The following ASXL3 variants were observed in gnomAD, a reference collection of about 807,000 sequenced individuals.
ASXL3 encodes the protein ASXL transcriptional regulator 3, also known as putative Polycomb group protein ASXL3.
A neutral mutation model predicts 170.6 loss-of-function variants in ASXL3; 34 were observed. The ratio of observed to expected loss-of-function variants is 0.20; its 90% CI spans 0.15 to 0.27. ASXL3 has a LOEUF of 0.27. Among genes scored for constraint, ASXL3 ranks in the 10% least tolerant of loss-of-function variants. ASXL3 has a pLI of 1.00. For synonymous variants in ASXL3, 1,002 were observed against 989.1 expected (o/e 1.01, Z -0.24); for missense variants, 2,592 against 2,695.3 (o/e 0.96, Z 0.85).
intron 2 of ASXL3, 82 bp from the exon 3 acceptor site, chr18:33,644,812 G>C: frequency 1.3e-6 from 1 of 792,144 alleles, no homozygotes; most frequent in Non-Finnish European, 1.9e-6. Flanking sequence ...TTTTAAGAGA[G>C]AGCGAGCGAG....
intron 1 of ASXL3, among the ~76,000 whole-genome samples, chr18:33,588,328 ACTC>A (rs1379106000): frequency 6.7e-6 from 1 of 150,236 alleles, no homozygotes; most frequent in East Asian, 1.9e-4. Flanking sequence ...ACAGAACACA[ACTC>A]CTCCTAATTT....
chr18:33,713,260 T>TG (rs1568343548), intron 8 of ASXL3, among the ~76,000 whole-genome samples: 4 of 116,086 alleles, frequency 3.4e-5, no homozygotes, highest in African/African-American at 1.0e-4. Context: ...TTTTTTTTTT[T>TG]TTTTTTTTTT....
At chr18:33,627,580 T>C (rs1321185021) in intron 2 of ASXL3, among the ~76,000 whole-genome samples, 2 of 152,160 alleles carry the variant, frequency 1.3e-5, no homozygotes, top group Admixed American at 6.6e-5. Flanking sequence ...CTCTTTTCCT[T>C]GGGACCCTTT....
At chr18:33,665,905 G>C (rs2066248333) in intron 5 of ASXL3, among the ~76,000 whole-genome samples, 1 of 152,106 alleles carries the variant, frequency 6.6e-6, no homozygotes, top group African/African-American at 2.4e-5. Flanking sequence ...TTCCTAGACT[G>C]CATTAGCTAT....
chr18:33,686,543 T>C (rs2066600498), intron 8 of ASXL3, among the ~76,000 whole-genome samples: 1 of 152,184 alleles, frequency 6.6e-6, no homozygotes, highest in African/African-American at 2.4e-5. Flanking sequence ...AGGTGTTTCT[T>C]GAGTAGAGCC....
At chr18:33,714,312 A>G (rs897995080) in intron 8 of ASXL3, among the ~76,000 whole-genome samples, 2 of 152,142 alleles carry the variant, frequency 1.3e-5, no homozygotes, top group Admixed American at 1.3e-4. Flanking sequence ...CAAGGGCTCA[A>G]ATTGAATTCA....
chr18:33,697,871 A>C (rs1034140359), intron 8 of ASXL3, among the ~76,000 whole-genome samples: 3 of 152,086 alleles, frequency 2.0e-5, no homozygotes, highest in Admixed American at 2.0e-4. Flanking sequence ...GAAAACATTC[A>C]GCTGAAGAAC....
At chr18:33,648,708 C>T (rs778184483) in intron 4 of ASXL3, among the ~76,000 whole-genome samples, 15 of 151,908 alleles carry the variant, frequency 9.9e-5, no homozygotes, top group Non-Finnish European at 2.2e-4. Flanking sequence ...AGAAAAAAGA[C>T]CCAAAGACTG....
chr18:33,722,960 A>T (rs1311886683), intron 8 of ASXL3, among the ~76,000 whole-genome samples: 1 of 152,170 alleles, frequency 6.6e-6, no homozygotes, highest in Non-Finnish European at 1.5e-5. Context: ...TAAATGGAAC[A>T]GTAAAGCCTG....
At chr18:33,578,747 C>A in intron 1 of ASXL3, 62 bp downstream of exon 1, 1 of 1,045,526 alleles carries the variant, frequency 9.6e-7, no homozygotes, top group Non-Finnish European at 1.2e-6. Flanking sequence ...CGCCCCGCGC[C>A]GGTCCGCGGC....
intron 7 of ASXL3, among the ~76,000 whole-genome samples, chr18:33,682,780 GAGGTCAAGC>G (rs2145283982): frequency 6.6e-6 from 1 of 152,264 alleles, no homozygotes; most frequent in East Asian, 1.9e-4. Context: ...TTAAACTCCT[GAGGTCAAGC>G]AGTCCTTCTG....
At chr18:33,681,776 A>T (rs8094018) in intron 7 of ASXL3, among the ~76,000 whole-genome samples, 85,210 of 150,864 alleles carry the variant, frequency 0.56, 24,534 homozygotes, top group East Asian at 0.9. Context: ...TGTTTTTTTT[A>T]AAATTCAGAA....
intron 2 of ASXL3, among the ~76,000 whole-genome samples, chr18:33,626,292 C>T (rs1014209495): frequency 6.6e-6 from 1 of 151,974 alleles, no homozygotes; most frequent in Non-Finnish European, 1.5e-5. Context: ...AAAAATCTTA[C>T]CATTTCAAGT....
chr18:33,667,319 T>C (rs2066274127), intron 5 of ASXL3, among the ~76,000 whole-genome samples: 1 of 152,154 alleles, frequency 6.6e-6, no homozygotes, highest in Non-Finnish European at 1.5e-5. Context: ...AGGAAACCCT[T>C]TCCCAGTGAA....
intron 2 of ASXL3, 112 bp downstream of exon 2, chr18:33,607,788 T>G: frequency 1.2e-6 from 1 of 802,518 alleles, no homozygotes; most frequent in South Asian, 1.8e-5. Flanking sequence ...GTGAATTAAC[T>G]CCCCACAAAT....
At chr18:33,717,874 TAAG>T (rs2067191239) in intron 8 of ASXL3, among the ~76,000 whole-genome samples, 1 of 152,128 alleles carries the variant, frequency 6.6e-6, no homozygotes, top group Non-Finnish European at 1.5e-5. Flanking sequence ...ATTCATTTAA[TAAG>T]AAGCCATAAA....
chr18:33,595,844 C>T (rs2065121370), intron 1 of ASXL3, among the ~76,000 whole-genome samples: 1 of 152,162 alleles, frequency 6.6e-6, no homozygotes, highest in Admixed American at 6.5e-5. Flanking sequence ...TCCCTCCTTC[C>T]CATCCTTAAT....
intron 8 of ASXL3, among the ~76,000 whole-genome samples, chr18:33,687,449 C>G (rs772413954): frequency 6.6e-5 from 10 of 152,182 alleles, no homozygotes; most frequent in Non-Finnish European, 1.5e-4. Context: ...TCAATTACAT[C>G]TTCACATATT....
intron 2 of ASXL3, among the ~76,000 whole-genome samples, chr18:33,633,755 G>A (rs1233519069): frequency 6.7e-6 from 1 of 149,758 alleles, no homozygotes. Flanking sequence ...TGAGGCAGGG[G>A]AATCACTTGA....
Sources: gnomAD v4.1 joint callset for allele counts (sites outside exome capture counted in the v4.1 genomes callset) on GRCh38, gnomAD v4.1.1 for gene constraint, MANE v1.5 for transcripts, NCBI Gene and HGNC (gene_info 2026-07-23, HGNC 2026-07-21) for gene names.